NMT2: variants seen among roughly 807,000 people sequenced by gnomAD.
NMT2 encodes the protein glycylpeptide N-tetradecanoyltransferase 2.
Under a neutral mutation model 65.4 loss-of-function variants are expected in NMT2, and 35 were observed. The observed-to-expected ratio is 0.54, with a 90% confidence interval of 0.41 to 0.71. The LOEUF (loss-of-function observed/expected upper bound fraction) is 0.71, where lower values mean the gene tolerates loss of function less well. Among genes scored for constraint, NMT2 ranks in the 30% least tolerant of loss-of-function variants. NMT2 has a pLI of 0.00. For missense variants in NMT2, 489 were observed against 611.3 expected (o/e 0.80, Z 2.11); for synonymous variants, 226 against 231.8 (o/e 0.98, Z 0.23).
intron 9 of NMT2, among the ~76,000 whole-genome samples, chr10:15,117,946 TAATC>T (rs1007657795): frequency 6.6e-6 from 1 of 152,188 alleles, no homozygotes; most frequent in Non-Finnish European, 1.5e-5. Flanking sequence ...ATCCTCAAAT[TAATC>T]TATCAGTGTA....
intron 1 of NMT2, among the ~76,000 whole-genome samples, chr10:15,152,370 G>C (rs1480726762): frequency 1.3e-5 from 2 of 152,216 alleles, no homozygotes; most frequent in African/African-American, 4.8e-5. Flanking sequence ...AAATACCACA[G>C]AGCTCTGAGA....
intron 9 of NMT2, among the ~76,000 whole-genome samples, chr10:15,113,463 C>CAAAAAAAAAAAAAAAAAAA (rs1169255963): frequency 3.5e-4 from 13 of 37,004 alleles, no homozygotes; most frequent in Middle Eastern, 0.02. Context: ...GGATGAGACT[C>CAAAAAAAAAAAAAAAAAAA]AAAAAAAAAA....
intron 7 of NMT2, among the ~76,000 whole-genome samples, chr10:15,129,243 G>C (rs1222978740): frequency 6.6e-6 from 1 of 152,032 alleles, no homozygotes; most frequent in Non-Finnish European, 1.5e-5. Flanking sequence ...ATATACCCCT[G>C]AAGTCTAGTA....
intron 1 of NMT2, among the ~76,000 whole-genome samples, chr10:15,147,291 T>G (rs1365941322): frequency 6.6e-6 from 1 of 152,042 alleles, no homozygotes; most frequent in Admixed American, 6.5e-5. Context: ...TTACAAATAT[T>G]TCCCCCCTGA....
chr10:15,107,709 C>T lies in NMT2; in HGVS notation c.*1486G>A. The T allele has an allele frequency of 3.2e-6, 3 of 924,278 alleles. No individual in the cohort carries two copies. Among genetic ancestry groups the T allele is most frequent in the Non-Finnish European group, 3.9e-6 (3 of 774,350 alleles). 57.3% of individuals were successfully genotyped at this position (924,278 alleles called of 1,614,324 possible). On this transcript the variant is annotated 3_prime_UTR_variant, in exon 12 of 12. Coordinates refer to ENST00000378165, the MANE Select transcript of NMT2 (RefSeq NM_004808.3). ...ACCTCAAATGTTTCGCCCGCCTTGGCCTCCCAAAGTGCTGGGATTACAGGC... is the reference window on the plus strand; with the variant it reads ...ACCTCAAATGTTTCGCCCGCCTTGGTCTCCCAAAGTGCTGGGATTACAGGC...
At chr10:15,123,680 C>T (rs1478227442) in intron 8 of NMT2, among the ~76,000 whole-genome samples, 1 of 152,040 alleles carries the variant, frequency 6.6e-6, no homozygotes, top group Non-Finnish European at 1.5e-5. Context: ...GTGAAGCGGT[C>T]ATGTTTTCTG....
intron 9 of NMT2, among the ~76,000 whole-genome samples, chr10:15,117,406 G>C (rs915374824): frequency 6.6e-6 from 1 of 152,108 alleles, no homozygotes; most frequent in Non-Finnish European, 1.5e-5. Context: ...AATTGATTAG[G>C]AGCACCCACA....
At chr10:15,159,515 C>T (rs928253120) in intron 1 of NMT2, among the ~76,000 whole-genome samples, 5 of 152,062 alleles carry the variant, frequency 3.3e-5, no homozygotes, top group African/African-American at 1.2e-4. Context: ...AAAGTGATCT[C>T]CATCTCTCGG....
chr10:15,141,099 A>C, intron 2 of NMT2: 2 of 1,360,986 alleles, frequency 1.5e-6, no homozygotes, highest in Non-Finnish European at 2.0e-6. Context: ...AAAGTAATCA[A>C]ATATTAAAGT....
At chr10:15,150,615 A>G (rs1832770007) in intron 1 of NMT2, among the ~76,000 whole-genome samples, 1 of 152,134 alleles carries the variant, frequency 6.6e-6, no homozygotes. Context: ...GCAGTAAGTC[A>G]TGGACAAGCC....
intron 6 of NMT2, among the ~76,000 whole-genome samples, chr10:15,130,887 T>A (rs1353414436): frequency 3.3e-5 from 5 of 150,724 alleles, no homozygotes; most frequent in Non-Finnish European, 1.5e-5. Context: ...ACTCCTGGGT[T>A]CAAACGATTC....
At chr10:15,164,479 G>A (rs1167614510) in intron 1 of NMT2, among the ~76,000 whole-genome samples, 2 of 152,160 alleles carry the variant, frequency 1.3e-5, no homozygotes, top group Non-Finnish European at 2.9e-5. Flanking sequence ...ATTTGACTCT[G>A]TCTCCAACAA....
At chr10:15,168,118 C>T (rs1283523222) in intron 1 of NMT2, among the ~76,000 whole-genome samples, 1 of 152,210 alleles carries the variant, frequency 6.6e-6, no homozygotes, top group Non-Finnish European at 1.5e-5. Flanking sequence ...CTACCCCAGG[C>T]TGCGGCCGCC....
chr10:15,138,417 A>G, intron 2 of NMT2: 1 of 471,200 alleles, frequency 2.1e-6, no homozygotes, highest in Non-Finnish European at 4.4e-6. Context: ...ATGCCTGTCC[A>G]TTCACCTTCC....
In NMT2 at chr10:15,119,863, C is replaced by T. The variant is rs569313054; in HGVS notation, c.1000-350G>A. 7.2e-5 allele frequency among the ~76,000 whole-genome samples: 11 copies of T among 152,274 alleles called. No homozygotes were observed. The South Asian group carries it at 2.3e-3, about 32-fold the overall frequency. The stretch of plus-strand genomic sequence containing the variant: ...TACAAGTTCATGATGTACGCCAATA[C>T]CCAAAACACACCAATGTATATACCA... On this transcript the variant is annotated intron_variant, in intron 8 of 11. Coordinates refer to ENST00000378165, the MANE Select transcript of NMT2 (RefSeq NM_004808.3).
At chr10:15,140,673 G>A (rs934626961) in intron 2 of NMT2, among the ~76,000 whole-genome samples, 4 of 152,042 alleles carry the variant, frequency 2.6e-5, no homozygotes, top group Admixed American at 6.6e-5. Flanking sequence ...GTGAGCCACC[G>A]TGCCTGGCTG....
At chr10:15,159,871 T>C (rs1405694315) in intron 1 of NMT2, among the ~76,000 whole-genome samples, 6 of 152,178 alleles carry the variant, frequency 3.9e-5, no homozygotes, top group Admixed American at 3.3e-4. Flanking sequence ...AATGAGGGTC[T>C]TCCCGAGCAG....
intron 9 of NMT2, 84 bp downstream of exon 9, chr10:15,119,259 G>T: frequency 8.7e-7 from 1 of 1,151,986 alleles, no homozygotes; most frequent in Non-Finnish European, 1.3e-6. Flanking sequence ...GAAATAGAAG[G>T]AAGTGTGTGT....
At chr10:15,117,258 A>T (rs1419069786) in intron 9 of NMT2, among the ~76,000 whole-genome samples, 1 of 152,218 alleles carries the variant, frequency 6.6e-6, no homozygotes, top group Non-Finnish European at 1.5e-5. Context: ...AAACCAATCA[A>T]TGTAATCTAA....
Sources: allele counts gnomAD v4.1 joint callset (sites outside exome capture counted in the v4.1 genomes callset), GRCh38; gene constraint gnomAD v4.1.1; transcripts MANE v1.5; gene names NCBI Gene and HGNC (gene_info 2026-07-23, HGNC 2026-07-21).